Variants in NME9 observed in about 807,000 individuals in gnomAD.
The protein encoded by NME9 is thioredoxin domain-containing protein 6.
In NME9, 48 loss-of-function variants were observed where a neutral mutation model predicts 44.4. The observed-to-expected ratio is 1.08, with a 90% CI of 0.86 to 1.37. NME9 has a LOEUF of 1.37. Ranked by LOEUF, NME9 falls within the 40% of genes most tolerant of loss-of-function variation. The pLI is 0.00. For missense variants in NME9, 325 were observed against 405.2 expected (o/e 0.80, Z 1.70); for synonymous variants, 139 against 147.1 (o/e 0.94, Z 0.40).
intron 8 of NME9, among the ~76,000 whole-genome samples, chr3:138,266,093 T>A (rs565989626): frequency 7.0e-4 from 106 of 152,304 alleles, no homozygotes; most frequent in Middle Eastern, 3.4e-3. Flanking sequence ...TTATTTTCAG[T>A]GGGCCTGCCT....
intron 8 of NME9, among the ~76,000 whole-genome samples, chr3:138,268,898 A>G (rs750940014): frequency 6.6e-5 from 10 of 152,336 alleles, no homozygotes; most frequent in Non-Finnish European, 1.0e-4. Flanking sequence ...TGATTAAAGT[A>G]TTATTTTAAT....
At chr3:138,262,706 A>G (rs76042268) in intron 8 of NME9, 38,074 of 1,041,136 alleles carry the variant, frequency 0.037, 809 homozygotes, top group Middle Eastern at 0.056. Flanking sequence ...CTCCCCAGGT[A>G]ATTCTTCTGC....
intron 8 of NME9, among the ~76,000 whole-genome samples, chr3:138,278,183 T>C (rs532673118): frequency 6.6e-6 from 1 of 152,266 alleles, no homozygotes; most frequent in South Asian, 2.1e-4. Flanking sequence ...CTGTAAATGC[T>C]GACTGTACTG....
intron 1 of NME9, among the ~76,000 whole-genome samples, chr3:138,328,533 G>C (rs1359297357): frequency 6.6e-6 from 1 of 152,092 alleles, no homozygotes; most frequent in Non-Finnish European, 1.5e-5. Flanking sequence ...TGTAGCCTTG[G>C]TATGCATCTT....
intron 7 of NME9, 79 bp from the exon 8 acceptor site, chr3:138,306,175 A>G: frequency 8.9e-7 from 1 of 1,126,234 alleles, no homozygotes; most frequent in South Asian, 1.3e-5. Flanking sequence ...GTTGAAAGGT[A>G]AAAAATAAAG....
At chr3:138,282,940 C>G (rs1446855065) in intron 8 of NME9, among the ~76,000 whole-genome samples, 1 of 152,184 alleles carries the variant, frequency 6.6e-6, no homozygotes, top group Non-Finnish European at 1.5e-5. Context: ...AAGACAGTTT[C>G]ACCATGTACC....
chr3:138,273,910 G>A (rs988395778), intron 8 of NME9, among the ~76,000 whole-genome samples: 2 of 151,334 alleles, frequency 1.3e-5, no homozygotes, highest in East Asian at 3.9e-4. Context: ...TCCACTTCCC[G>A]GGTTCAAGTG....
At chr3:138,291,687 C>G (rs1342710630) in intron 8 of NME9, among the ~76,000 whole-genome samples, 2 of 152,190 alleles carry the variant, frequency 1.3e-5, no homozygotes, top group Non-Finnish European at 2.9e-5. Flanking sequence ...TAGTAAAGAT[C>G]TCTCTGAGGA....
At chr3:138,315,689 A>G (rs767877243) in intron 4 of NME9, 46 bp from the exon 5 acceptor site, 2 of 1,410,658 alleles carry the variant, frequency 1.4e-6, no homozygotes, top group South Asian at 1.2e-5. Flanking sequence ...GCAAATATTA[A>G]TCTCTTGTAA....
At chr3:138,321,892 C>CT (rs1170886256) in intron 2 of NME9, among the ~76,000 whole-genome samples, 1 of 150,170 alleles carries the variant, frequency 6.7e-6, no homozygotes, top group Non-Finnish European at 1.5e-5. Flanking sequence ...AAACTCAACT[C>CT]TAAACAGGCT....
chr3:138,287,806 AT>A, intron 8 of NME9: 1 of 384,778 alleles, frequency 2.6e-6, no homozygotes, highest in South Asian at 1.9e-5. Context: ...CATTGAGCAT[AT>A]TTTGCCATTG....
At chr3:138,309,480 A>G (rs974603291) in intron 6 of NME9, among the ~76,000 whole-genome samples, 2 of 151,856 alleles carry the variant, frequency 1.3e-5, no homozygotes, top group Non-Finnish European at 2.9e-5. Flanking sequence ...AGGCTAGGAG[A>G]TCAAGACCAA....
At chr3:138,328,025 C>T (rs1342373984) in intron 1 of NME9, among the ~76,000 whole-genome samples, 1 of 152,130 alleles carries the variant, frequency 6.6e-6, no homozygotes, top group African/African-American at 2.4e-5. Context: ...GGTATCATCC[C>T]TCCTGTCTAC....
intron 8 of NME9, chr3:138,274,521 C>T (rs1373029116): frequency 1.9e-6 from 3 of 1,612,792 alleles, no homozygotes; most frequent in Non-Finnish European, 2.5e-6. Context: ...AGAAGGGGAA[C>T]ATAACATTGA....
At chr3:138,312,037 A>C (rs796745910) in intron 6 of NME9, among the ~76,000 whole-genome samples, 99 of 152,328 alleles carry the variant, frequency 6.5e-4, no homozygotes, top group African/African-American at 2.4e-3. Context: ...ATAAAAATGT[A>C]GACTTCAATT....
chr3:138,283,077 A>G (rs1405110941), intron 8 of NME9, among the ~76,000 whole-genome samples: 1 of 152,188 alleles, frequency 6.6e-6, no homozygotes, highest in African/African-American at 2.4e-5. Context: ...ATAGTTCCCC[A>G]GTGTTTGCTT....
intron 6 of NME9, among the ~76,000 whole-genome samples, chr3:138,310,078 C>G (rs2052588551): frequency 6.6e-6 from 1 of 150,490 alleles, no homozygotes; most frequent in African/African-American, 2.4e-5. Context: ...ACCCACTTTA[C>G]CTATAAAGAC....
intron 8 of NME9, among the ~76,000 whole-genome samples, chr3:138,266,365 A>G (rs2108277838): frequency 6.6e-6 from 1 of 152,228 alleles, no homozygotes; most frequent in South Asian, 2.1e-4. Context: ...TCCCACCAGC[A>G]AAAGTTTATT....
At chr3:138,303,958 C>T (rs1415388540) in intron 9 of NME9, among the ~76,000 whole-genome samples, 2 of 152,154 alleles carry the variant, frequency 1.3e-5, no homozygotes, top group Non-Finnish European at 2.9e-5. Flanking sequence ...ACAGGAGCTG[C>T]CATTTTTTCG....
Sources: gnomAD v4.1 joint callset for allele counts (sites outside exome capture counted in the v4.1 genomes callset) on GRCh38, gnomAD v4.1.1 for gene constraint, MANE v1.5 for transcripts, NCBI Gene and HGNC (gene_info 2026-07-23, HGNC 2026-07-21) for gene names.